The following AKAP6 variants were observed in gnomAD, a reference collection of about 807,000 sequenced individuals.
AKAP6 encodes the protein A-kinase anchor protein 6.
A neutral mutation model predicts 188.5 loss-of-function variants in AKAP6; 58 were observed. The ratio of observed to expected loss-of-function variants is 0.31; its 90% CI spans 0.25 to 0.38. The LOEUF (loss-of-function observed/expected upper bound fraction) is 0.38, where lower values mean the gene tolerates loss of function less well. Ranked by LOEUF, AKAP6 falls within the 10% of genes least tolerant of loss-of-function variation. The probability of loss-of-function intolerance (pLI) is 1.00; values close to 1 mark genes in which losing one functional copy is unlikely to be tolerated. For missense variants in AKAP6, 2,710 were observed against 2,740.0 expected (o/e 0.99, Z 0.24); for synonymous variants, 989 against 998.6 (o/e 0.99, Z 0.18).
intron 1 of AKAP6, among the ~76,000 whole-genome samples, chr14:32,397,377 C>CTTTTTTTTTTTT (rs60314050): frequency 7.7e-6 from 1 of 130,342 alleles, no homozygotes; most frequent in African/African-American, 2.9e-5. Flanking sequence ...TTTTTATTGT[C>CTTTTTTTTTTTT]TTTTTTTTTT....
intron 2 of AKAP6, among the ~76,000 whole-genome samples, chr14:32,450,256 A>T (rs1474398426): frequency 6.6e-6 from 1 of 152,124 alleles, no homozygotes; most frequent in Non-Finnish European, 1.5e-5. Context: ...TTATGATTCT[A>T]TCCCAATCCA....
chr14:32,638,964 T>A, intron 7 of AKAP6, among the ~76,000 whole-genome samples: 1 of 152,084 alleles, frequency 6.6e-6, no homozygotes, highest in East Asian at 1.9e-4. Flanking sequence ...TGAATTAGTG[T>A]GTTTTAGTGG....
intron 9 of AKAP6, among the ~76,000 whole-genome samples, chr14:32,706,957 A>G (rs1349985457): frequency 1.3e-5 from 2 of 152,040 alleles, no homozygotes; most frequent in Non-Finnish European, 2.9e-5. Flanking sequence ...CCCTACTGAA[A>G]CTCATCTAAA....
intron 12 of AKAP6, among the ~76,000 whole-genome samples, chr14:32,792,821 A>G (rs1426480848): frequency 6.6e-6 from 1 of 152,336 alleles, no homozygotes; most frequent in Non-Finnish European, 1.5e-5. Flanking sequence ...TGTTTTTAGC[A>G]TGAAGTAGTG....
intron 2 of AKAP6, among the ~76,000 whole-genome samples, chr14:32,523,562 A>G (rs1881968594): frequency 6.6e-6 from 1 of 150,684 alleles, no homozygotes; most frequent in East Asian, 1.9e-4. Flanking sequence ...TCCGCCTCCC[A>G]GGGTCAAGCC....
chr14:32,449,093 C>T (rs1403444873), intron 2 of AKAP6, among the ~76,000 whole-genome samples: 1 of 152,156 alleles, frequency 6.6e-6, no homozygotes, highest in Non-Finnish European at 1.5e-5. Context: ...ATTAACTCTC[C>T]AGTCTGCTCT....
chr14:32,398,571 C>T (rs1888954788), intron 1 of AKAP6, among the ~76,000 whole-genome samples: 1 of 152,130 alleles, frequency 6.6e-6, no homozygotes, highest in African/African-American at 2.4e-5. Flanking sequence ...ACACCATGTA[C>T]TGAGGCCTCT....
At chr14:32,512,311 A>G (rs1881300788) in intron 2 of AKAP6, among the ~76,000 whole-genome samples, 1 of 152,204 alleles carries the variant, frequency 6.6e-6, no homozygotes, top group Non-Finnish European at 1.5e-5. Flanking sequence ...TGTGTGTATA[A>G]TCAGAGAGAA....
intron 1 of AKAP6, among the ~76,000 whole-genome samples, chr14:32,403,878 T>C (rs1222569193): frequency 2.6e-5 from 4 of 152,330 alleles, no homozygotes; most frequent in South Asian, 4.1e-4. Context: ...AATTCACTTC[T>C]GAGTCATCAC....
At chr14:32,685,035 C>A (rs1569973) in intron 8 of AKAP6, among the ~76,000 whole-genome samples, 23,395 of 151,784 alleles carry the variant, frequency 0.15, 2,038 homozygotes, top group African/African-American at 0.23. Context: ...GCAAGAGGAT[C>A]ATTTGAGCCC....
chr14:32,511,921 T>G (rs906728436), intron 2 of AKAP6, among the ~76,000 whole-genome samples: 3 of 152,224 alleles, frequency 2.0e-5, no homozygotes, highest in African/African-American at 7.2e-5. Flanking sequence ...GTATAAATCA[T>G]AGAGAGATCA....
At chr14:32,497,009 C>G (rs1337971295) in intron 2 of AKAP6, among the ~76,000 whole-genome samples, 1 of 152,040 alleles carries the variant, frequency 6.6e-6, no homozygotes, top group East Asian at 1.9e-4. Flanking sequence ...ATGTTTCTGC[C>G]AAGTGCTGCC....
chr14:32,378,103 AT>A (rs1326190452), intron 1 of AKAP6, among the ~76,000 whole-genome samples: 20 of 152,132 alleles, frequency 1.3e-4, no homozygotes, highest in Admixed American at 1.1e-3. Flanking sequence ...AACTCTCAAA[AT>A]TTTTCATAGT....
intron 12 of AKAP6, among the ~76,000 whole-genome samples, chr14:32,815,061 G>A (rs368241307): frequency 6.6e-6 from 1 of 152,176 alleles, no homozygotes; most frequent in South Asian, 2.1e-4. Flanking sequence ...GATCCCTTTT[G>A]AGAACAAAGG....
intron 8 of AKAP6, among the ~76,000 whole-genome samples, chr14:32,683,473 C>T (rs949079386): frequency 1.3e-5 from 2 of 152,084 alleles, no homozygotes; most frequent in African/African-American, 4.8e-5. Context: ...TTCTGATGCC[C>T]CAGTTATTGG....
chr14:32,510,403 T>TATGTATATATATAC (rs1491472020), intron 2 of AKAP6, among the ~76,000 whole-genome samples: 1 of 98,370 alleles, frequency 1.0e-5, no homozygotes, highest in African/African-American at 4.5e-5. Flanking sequence ...TGTATATATA[T>TATGTATATATATAC]GTATATATAT....
At chr14:32,601,912 C>T (rs1053645942) in intron 7 of AKAP6, among the ~76,000 whole-genome samples, 10 of 152,160 alleles carry the variant, frequency 6.6e-5, no homozygotes, top group East Asian at 1.9e-4. Flanking sequence ...TCTCAAACAA[C>T]GCCTTTAACT....
At chr14:32,829,610 G>A (rs1297750986) in intron 13 of AKAP6, among the ~76,000 whole-genome samples, 9 of 106,004 alleles carry the variant, frequency 8.5e-5, no homozygotes, top group Middle Eastern at 4.8e-3. Context: ...TTGAAACCAC[G>A]TCTTTTTAAA....
chr14:32,806,567 C>T (rs944235349), intron 12 of AKAP6, among the ~76,000 whole-genome samples: 1 of 152,138 alleles, frequency 6.6e-6, no homozygotes, highest in African/African-American at 2.4e-5. Flanking sequence ...GTCCCAGCTA[C>T]TCAGAAGGCT....
Sources: gnomAD v4.1 joint callset for allele counts (sites outside exome capture counted in the v4.1 genomes callset) on GRCh38, gnomAD v4.1.1 for gene constraint, MANE v1.5 for transcripts, NCBI Gene and HGNC (gene_info 2026-07-23, HGNC 2026-07-21) for gene names.